The following FSIP2 variants were observed in gnomAD, a reference collection of about 807,000 sequenced individuals.
The protein encoded by FSIP2 is fibrous sheath interacting protein 2, also known as fibrous sheath-interacting protein 2.
A neutral mutation model predicts 510.5 loss-of-function variants in FSIP2; 367 were observed. The observed-to-expected ratio is 0.72, with a 90% CI of 0.66 to 0.78. The LOEUF is 0.78. Ranked by LOEUF, FSIP2 falls within the 30% of genes least tolerant of loss-of-function variation. The pLI is 0.00. For missense variants in FSIP2, 7,594 were observed against 7,901.7 expected (o/e 0.96, Z 1.48); for synonymous variants, 2,601 against 2,732.2 (o/e 0.95, Z 1.50).
chr2:185,753,622 G>C, intron 7 of FSIP2, 100 bp from the exon 8 acceptor site: 3 of 594,756 alleles, frequency 5.0e-6, no homozygotes, highest in Non-Finnish European at 8.3e-6. Flanking sequence ...AGACAGGACT[G>C]ATTATCCATT....
Position 185,796,339 on chromosome 2 carries a change from T to C in FSIP2, c.9203T>C (p.Leu3068Pro). The change falls in exon 16 of 23, where the codon CTT becomes CCT. Residue 3068 changes from leucine (L) to proline (P), a missense_variant. By Grantham distance (98) the Leu-to-Pro change is moderately conservative. Transcript: ENST00000424728. ...INFKENIQNI[L>P]LRVHSFHSQL... The stretch of plus-strand genomic sequence containing the variant: ...TTCAAGGAAAACATACAGAATATCC[T>C]TCTACGGGTTCATTCATTCCATTCA... 1 of 1,533,810 alleles carries C rather than the reference T, an allele frequency of 6.5e-7. No individual in the cohort carries two copies. Among genetic ancestry groups the C allele is most frequent in the African/African-American group, 1.4e-5 (1 of 73,022 alleles).
At chr2:185,814,230 T>G (rs1047251655) in intron 18 of FSIP2, among the ~76,000 whole-genome samples, 188 bp downstream of exon 18, 3 of 151,924 alleles carry the variant, frequency 2.0e-5, no homozygotes, top group Admixed American at 1.3e-4. Context: ...GGAAAGCAGG[T>G]AATAGGGGAA....
At chr2:185,743,320 T>C in intron 3 of FSIP2, 26 bp downstream of exon 3, 1 of 1,440,690 alleles carries the variant, frequency 6.9e-7, no homozygotes. Flanking sequence ...CTTCTTTTTT[T>C]AATCAATGAA....
chr2:185,791,407 T>C lies in FSIP2; in HGVS notation c.4271T>C (p.Ile1424Thr), dbSNP rs927214272. 20 of 1,534,248 alleles carry C rather than the reference T, an allele frequency of 1.3e-5. No homozygotes were observed. Among genetic ancestry groups the C allele is most frequent in the Non-Finnish European group, 1.7e-5 (20 of 1,145,592 alleles). ...THHSVNGGNH[I>T]KENAKLQVLE... ...CACAGTGTCAATGGTGGAAACCATATTAAAGAGAATGCAAAATTGCAAGTG... is the reference window on the plus strand; with the variant it reads ...CACAGTGTCAATGGTGGAAACCATACTAAAGAGAATGCAAAATTGCAAGTG... Residue 1424 changes from isoleucine (I) to threonine (T), a missense_variant, in exon 16 of 23, where the codon ATT becomes ACT. Ile to Thr is a moderately conservative substitution (Grantham distance 89). Transcript: ENST00000424728.
intron 16 of FSIP2, chr2:185,797,820 A>C: frequency 3.9e-6 from 1 of 256,516 alleles, no homozygotes; most frequent in Middle Eastern, 1.4e-3. Flanking sequence ...TTCCCCCAAA[A>C]TAGCTGGGAC....
chr2:185,826,287 C>G (rs1167537198), intron 20 of FSIP2, among the ~76,000 whole-genome samples: 1 of 151,714 alleles, frequency 6.6e-6, no homozygotes, highest in Non-Finnish European at 1.5e-5. Flanking sequence ...TTACAAAACC[C>G]TAAATCATCT....
chr2:185,824,529 G>A, intron 20 of FSIP2, 49 bp downstream of exon 20: 1 of 1,081,106 alleles, frequency 9.2e-7, no homozygotes, highest in Non-Finnish European at 1.4e-6. Context: ...CTACTTTGAT[G>A]TGTTTTTTTT....
chr2:185,792,739 G>C lies in FSIP2; in HGVS notation c.5603G>C (p.Arg1868Thr), dbSNP rs1341553242. Reference protein sequence around the residue: ...AMTERNVRENRYKTITFSANV... With the variant: ...AMTERNVRENTYKTITFSANV... ...ACAGAAAGAAATGTAAGGGAAAATA[G>C]GTATAAAACTATCACTTTTTCAGCA... Residue 1868 changes from arginine to threonine, a missense_variant, in exon 16 of 23, where the codon AGG (arginine) becomes ACG (threonine). Coordinates refer to ENST00000424728, the MANE Select transcript of FSIP2 (RefSeq NM_173651.4). 3 of 1,533,900 alleles carry C rather than the reference G, an allele frequency of 2.0e-6. No individual in the cohort carries two copies. In the East Asian group the frequency reaches 7.3e-5, roughly 38 times the overall value.
intron 9 of FSIP2, among the ~76,000 whole-genome samples, chr2:185,758,609 A>G (rs1292406233): frequency 1.3e-5 from 2 of 151,020 alleles, no homozygotes; most frequent in African/African-American, 4.8e-5. Context: ...ATGTTGTAAC[A>G]CCTCTGGCCA....
At chr2:185,786,532 G>T (rs1692983094) in intron 15 of FSIP2, among the ~76,000 whole-genome samples, 2 of 151,848 alleles carry the variant, frequency 1.3e-5, no homozygotes, top group African/African-American at 4.8e-5. Context: ...GGTATAGAAT[G>T]GTGAGATATT....
chr2:185,764,551 A>T lies in FSIP2; in HGVS notation c.1397A>T (p.Tyr466Phe). 6.6e-7 allele frequency: 1 copy of T among 1,525,538 alleles called. No individual in the cohort carries two copies. The highest frequency in any genetic ancestry group is 8.8e-7 in the Non-Finnish European group (1 of 1,138,290). The allele number at this position is 1,525,538 out of a possible 1,614,324, so 94.5% of individuals were successfully genotyped here. ...WDGRPTKRSS[Y>F]LCESGPQAHA... ...GGAAGACCAACCAAGAGATCAAGCT[A>T]TCTCTGCGAATCAGGTAAATATCAG... Residue 466 changes from tyrosine (Y) to phenylalanine (F), a missense_variant, in exon 13 of 23, where the codon TAT becomes TTT. By Grantham distance (22) the Tyr-to-Phe change is conservative. Transcript: ENST00000424728.
intron 19 of FSIP2, among the ~76,000 whole-genome samples, chr2:185,816,793 T>C (rs1693833355): frequency 6.6e-6 from 1 of 151,300 alleles, no homozygotes; most frequent in Non-Finnish European, 1.5e-5. Flanking sequence ...GAGTTCAAAG[T>C]TACAGTGAGC....
At chr2:185,739,573 C>A in intron 2 of FSIP2, 102 bp downstream of exon 2, 1 of 1,099,262 alleles carries the variant, frequency 9.1e-7, no homozygotes, top group Non-Finnish European at 1.2e-6. Context: ...TTTGCATCAA[C>A]ATTTACAGGA....
At position 185,813,680 on chromosome 2, in the gene FSIP2, A is replaced by AAT. The variant is rs1323908992; in HGVS notation, c.19964_19965dup (p.Tyr6656IlefsTer3). On this transcript the variant is annotated frameshift_variant, in exon 18 of 23. Coordinates refer to ENST00000424728, the MANE Select transcript of FSIP2 (RefSeq NM_173651.4). LOFTEE classifies it high-confidence loss of function. ...TGATATTGATCAAGTGTATTTGGAA[A>AAT]ATTACATAAAAGAGGAACGAGATTC... The AAT allele has an allele frequency of 6.2e-7, 1 of 1,609,578 alleles. No homozygotes were observed. The highest frequency in any genetic ancestry group is 1.3e-5 in the African/African-American group (1 of 74,654).
At chr2:185,745,664 C>A in intron 5 of FSIP2, 96 bp downstream of exon 5, 1 of 987,880 alleles carries the variant, frequency 1.0e-6, no homozygotes, top group Non-Finnish European at 1.4e-6. Flanking sequence ...AAGTACTGGA[C>A]ACCATTCTCC....
chr2:185,794,677 T>G lies in FSIP2; in HGVS notation c.7541T>G (p.Phe2514Cys). The G allele has an allele frequency of 6.5e-7, 1 of 1,533,710 alleles. No homozygotes were observed. The highest frequency in any genetic ancestry group is 8.7e-7 in the Non-Finnish European group (1 of 1,145,558). Residue 2514 changes from phenylalanine (F) to cysteine (C), a missense_variant, in exon 16 of 23, where the codon TTT (phenylalanine) becomes TGT (cysteine). Physicochemically the swap from Phe to Cys is radical, Grantham distance 205 (BLOSUM62 -2). Coordinates refer to ENST00000424728, the MANE Select transcript of FSIP2 (RefSeq NM_173651.4). The part of the protein sequence containing the change: ...HLPPLNETAN[F>C]ISNSKIKTSD... ...CCTCCACTTAATGAAACTGCCAACT[T>G]TATATCTAATTCTAAGATTAAAACA... is the stretch of plus-strand genomic sequence containing the variant.
chr2:185,747,870 C>T (rs1692065205), intron 7 of FSIP2, among the ~76,000 whole-genome samples: 1 of 151,972 alleles, frequency 6.6e-6, no homozygotes, highest in Non-Finnish European at 1.5e-5. Context: ...TTTTAGTTCT[C>T]ACATATACAC....
At chr2:185,774,021 G>A (rs750728863) in intron 13 of FSIP2, among the ~76,000 whole-genome samples, 2 of 151,954 alleles carry the variant, frequency 1.3e-5, no homozygotes, top group Non-Finnish European at 2.9e-5. Flanking sequence ...AAATTTTCTG[G>A]GGTCTCTGTA....
In FSIP2 at chr2:185,804,352, A is replaced by G. The variant is rs1006698406; in HGVS notation, c.15046A>G (p.Arg5016Gly). ...TGATAAAAATTTGTGTTTCTCAGAA[A>G]GATACAAAGAAATGGTTCAAAAAAT... ...NFDKNLCFSERYKEMVQKIVN... is the reference protein window; with the variant it reads ...NFDKNLCFSEGYKEMVQKIVN... Residue 5016 changes from arginine (R) to glycine (G), a missense_variant, in exon 17 of 23, where the codon AGA becomes GGA. Transcript: ENST00000424728. The G allele has an allele frequency of 6.7e-7, 1 of 1,503,464 alleles. No homozygotes were observed. Among genetic ancestry groups the G allele is most frequent in the Non-Finnish European group, 8.8e-7 (1 of 1,133,806 alleles). 93.1% of individuals were successfully genotyped at this position (1,503,464 alleles called of 1,614,324 possible). A position where few individuals can be genotyped will look rare whatever the true frequency, so the allele number is the denominator to read the frequency against.
Sources: gnomAD v4.1 joint callset for allele counts (sites outside exome capture counted in the v4.1 genomes callset) on GRCh38, gnomAD v4.1.1 for gene constraint, MANE v1.5 for transcripts, NCBI Gene and HGNC (gene_info 2026-07-23, HGNC 2026-07-21) for gene names.